The following GABPB1 variants were observed in gnomAD, a reference collection of about 807,000 sequenced individuals.
GABPB1 encodes the protein GA binding protein transcription factor subunit beta 1.
Under a neutral mutation model 45.9 loss-of-function variants are expected in GABPB1, and 15 were observed. The observed-to-expected ratio is 0.33, with a 90% CI of 0.22 to 0.50. The LOEUF is 0.50. GABPB1 is among the 20% of genes least tolerant of loss of function. The pLI is 0.98. For synonymous variants in GABPB1, 143 were observed against 154.4 expected (o/e 0.93, Z 0.55); for missense variants, 252 against 457.5 (o/e 0.55, Z 4.10).
intron 1 of GABPB1, chr15:50,354,354 C>A (rs1158400764): frequency 4.5e-6 from 2 of 448,376 alleles, no homozygotes; most frequent in South Asian, 1.6e-5. Context: ...GCGGGGGCCC[C>A]GCGCGGGACT....
intron 1 of GABPB1, chr15:50,349,014 A>C (rs971499904): frequency 1.3e-5 from 2 of 152,192 alleles, no homozygotes; most frequent in Non-Finnish European, 2.9e-5. Context: ...AGATGTTTTA[A>C]TATTATAAAA....
Position 50,300,828 on chromosome 15 carries a change from C to T in GABPB1, c.658G>A (p.Glu220Lys). ...GAATTGGACAATGGAGCAGATGCTT[C>T]AGCTAAGGCAGCTAATGTAGCTAAT... ...SVLATLAALA[E>K]ASAPLSNSSE... is the part of the protein sequence containing the mutation. The change falls in exon 6 of 9, where the codon GAA becomes AAA. Residue 220 changes from glutamate to lysine, a missense_variant. By Grantham distance (56) the Glu-to-Lys change is moderately conservative (BLOSUM62 1). Transcript: ENST00000380877. 1 of 1,612,978 alleles carries T rather than the reference C, an allele frequency of 6.2e-7. No individual in the cohort carries two copies. Among genetic ancestry groups the T allele is most frequent in the Non-Finnish European group, 8.5e-7 (1 of 1,179,018 alleles).
chr15:50,323,814 G>A (rs1192520552), intron 1 of GABPB1, among the ~76,000 whole-genome samples: 2 of 152,122 alleles, frequency 1.3e-5, no homozygotes, highest in Admixed American at 6.5e-5. Flanking sequence ...TGAGGCTTCA[G>A]TGAGCCATGA....
intron 6 of GABPB1, among the ~76,000 whole-genome samples, chr15:50,296,131 A>C (rs1321964391): frequency 1.3e-5 from 2 of 152,148 alleles, no homozygotes; most frequent in Non-Finnish European, 2.9e-5. Flanking sequence ...TATATATAGG[A>C]CCATGCCAAC....
Position 50,300,835 on chromosome 15 carries a change from G to A in GABPB1, c.651C>T (p.Ala217=). The change falls in exon 6 of 9, where the codon GCC becomes GCT. Residue 217 remains alanine, a synonymous_variant. Transcript: ENST00000380877. ...SSTSVLATLA[A]LAEASAPLSN... is the part of the protein sequence containing the mutation. ...ACAATGGAGCAGATGCTTCAGCTAA[G>A]GCAGCTAATGTAGCTAATACTGATG... 6.2e-7 allele frequency: 1 copy of A among 1,613,196 alleles called. No homozygotes were observed. The highest frequency in any genetic ancestry group is 2.2e-5 in the East Asian group (1 of 44,886).
intron 1 of GABPB1, among the ~76,000 whole-genome samples, chr15:50,339,231 C>T (rs568408197): frequency 6.6e-6 from 1 of 152,134 alleles, no homozygotes; most frequent in Non-Finnish European, 1.5e-5. Context: ...GGTGGGAGCA[C>T]TGCTTGAGCC....
intron 1 of GABPB1, chr15:50,327,104 G>A: frequency 6.6e-6 from 1 of 152,094 alleles, no homozygotes. Context: ...TGAAAAGAGT[G>A]CAAGTAGAAG....
chr15:50,278,894 G>T, intron 8 of GABPB1, 110 bp from the exon 9 acceptor site: 1 of 792,942 alleles, frequency 1.3e-6, no homozygotes, highest in Non-Finnish European at 1.8e-6. Flanking sequence ...GCTAAAAGCA[G>T]CCACCTATTG....
intron 1 of GABPB1, among the ~76,000 whole-genome samples, chr15:50,346,874 G>GC (rs952828020): frequency 6.2e-4 from 87 of 141,088 alleles, no homozygotes; most frequent in South Asian, 2.2e-3. Context: ...TGCAACCTCC[G>GC]CCCCCCCCAG....
intron 6 of GABPB1, 98 bp from the exon 7 acceptor site, chr15:50,289,766 T>G: frequency 1.2e-6 from 1 of 824,422 alleles, no homozygotes; most frequent in Non-Finnish European, 1.8e-6. Context: ...TATGCTTCTT[T>G]CTTTTCTTTT....
At position 50,294,942 on chromosome 15, in the gene GABPB1, A is replaced by T. The variant is rs114287913; in HGVS notation, c.698-5274T>A. Among the ~76,000 whole-genome samples the T allele has an allele frequency of 8.0e-3, 1,222 of 152,322 alleles. 17 individuals are homozygous for T. Among genetic ancestry groups the T allele is most frequent in the African/African-American group, 0.028 (1,178 of 41,558 alleles). On this transcript the variant is annotated intron_variant, in intron 6 of 8. Coordinates refer to ENST00000380877, the MANE Select transcript of GABPB1 (RefSeq NM_016654.5). ...AAGGGTGGTCACTGATGTGTATTTAATCAAGGTATTATACAGTTGTACCAC... is the reference window on the plus strand; with the variant it reads ...AAGGGTGGTCACTGATGTGTATTTATTCAAGGTATTATACAGTTGTACCAC...
intron 1 of GABPB1, among the ~76,000 whole-genome samples, chr15:50,346,826 C>T (rs2048605207): frequency 1.4e-5 from 2 of 141,060 alleles, no homozygotes; most frequent in African/African-American, 5.4e-5. Flanking sequence ...CTCACTCTGT[C>T]GCCCAGGCTG....
At chr15:50,304,891 G>A (rs1383821201) in intron 2 of GABPB1, among the ~76,000 whole-genome samples, 1 of 151,994 alleles carries the variant, frequency 6.6e-6, no homozygotes, top group Non-Finnish European at 1.5e-5. Flanking sequence ...TGTTTTGTAG[G>A]TCTTAAAAAA....
intron 1 of GABPB1, among the ~76,000 whole-genome samples, chr15:50,341,323 C>T (rs931439522): frequency 6.6e-6 from 1 of 151,926 alleles, no homozygotes; most frequent in African/African-American, 2.4e-5. Flanking sequence ...CACCTGAGGT[C>T]GGAGTTCGAG....
intron 1 of GABPB1, chr15:50,347,497 C>T (rs2141179149): frequency 6.6e-6 from 1 of 152,118 alleles, no homozygotes; most frequent in African/African-American, 2.4e-5. Flanking sequence ...TGCATCGTTC[C>T]AATTTTAGTA....
At chr15:50,315,664 C>A (rs999582749) in intron 1 of GABPB1, among the ~76,000 whole-genome samples, 3 of 152,234 alleles carry the variant, frequency 2.0e-5, no homozygotes, top group African/African-American at 7.2e-5. Context: ...AGGGACCACA[C>A]ACACTCATCG....
At chr15:50,281,479 A>T (rs7179819) in intron 8 of GABPB1, among the ~76,000 whole-genome samples, 4 of 152,036 alleles carry the variant, frequency 2.6e-5, no homozygotes, top group Non-Finnish European at 4.4e-5. Context: ...CCAAAGTGCT[A>T]GGATTACAGG....
intron 2 of GABPB1, among the ~76,000 whole-genome samples, chr15:50,305,371 C>T (rs1488137468): frequency 3.3e-5 from 5 of 152,074 alleles, no homozygotes; most frequent in African/African-American, 1.2e-4. Flanking sequence ...GACAGGGCCT[C>T]ACTGTGTTGC....
chr15:50,314,247 G>A (rs958096808), intron 1 of GABPB1, among the ~76,000 whole-genome samples: 1 of 151,714 alleles, frequency 6.6e-6, no homozygotes, highest in African/African-American at 2.4e-5. Context: ...GCAGTGGCGT[G>A]ATCTCGGCTC....
Sources: gnomAD v4.1 joint callset for allele counts (sites outside exome capture counted in the v4.1 genomes callset) on GRCh38, gnomAD v4.1.1 for gene constraint, MANE v1.5 for transcripts, NCBI Gene and HGNC (gene_info 2026-07-23, HGNC 2026-07-21) for gene names.